The following CACNA2D3 variants were observed in gnomAD, a reference collection of about 807,000 sequenced individuals.
CACNA2D3 encodes the protein calcium voltage-gated channel auxiliary subunit alpha2delta 3, also known as voltage-dependent calcium channel subunit alpha-2/delta-3.
CACNA2D3 carries 60 observed loss-of-function variants against 160.6 expected under a neutral mutation model. That is an observed-to-expected ratio of 0.37 (90% CI 0.30 to 0.46). CACNA2D3 has a LOEUF of 0.46. CACNA2D3 is among the 20% of genes least tolerant of loss of function. The pLI is 1.00. For missense variants in CACNA2D3, 1,205 were observed against 1,365.0 expected, an observed-to-expected ratio of 0.88 and a Z score of 1.85; for synonymous variants, 558 against 492.9, an observed-to-expected ratio of 1.13 and a Z score of -1.75.
At chr3:54,803,850 G>T (rs936374854) in intron 13 of CACNA2D3, among the ~76,000 whole-genome samples, 1 of 152,134 alleles carries the variant, frequency 6.6e-6, no homozygotes. Context: ...GACTAACAGC[G>T]GATCTCTCGG....
At chr3:54,485,151 G>T (rs1251693649) in intron 4 of CACNA2D3, among the ~76,000 whole-genome samples, 1 of 152,046 alleles carries the variant, frequency 6.6e-6, no homozygotes, top group African/African-American at 2.4e-5. Flanking sequence ...AGCTCACCTA[G>T]GTAGATAATT....
chr3:54,531,642 A>G (rs905560558), intron 5 of CACNA2D3, among the ~76,000 whole-genome samples: 6 of 152,116 alleles, frequency 3.9e-5, no homozygotes, highest in African/African-American at 1.2e-4. Flanking sequence ...AGGAGAAGCA[A>G]AGTTAATTGT....
intron 3 of CACNA2D3, among the ~76,000 whole-genome samples, chr3:54,376,197 C>G (rs1699009232): frequency 6.6e-6 from 1 of 152,070 alleles, no homozygotes; most frequent in African/African-American, 2.4e-5. Flanking sequence ...CTTCCCCCTT[C>G]CCATTCCACA....
chr3:54,319,056 C>G (rs952030356), intron 2 of CACNA2D3, among the ~76,000 whole-genome samples: 2 of 151,934 alleles, frequency 1.3e-5, no homozygotes, highest in South Asian at 4.2e-4. Flanking sequence ...AGAGTTCCTC[C>G]CCTTGTCCTC....
At chr3:54,164,739 T>G (rs928382649) in intron 2 of CACNA2D3, among the ~76,000 whole-genome samples, 1 of 152,160 alleles carries the variant, frequency 6.6e-6, no homozygotes, top group Non-Finnish European at 1.5e-5. Context: ...CACTACCCTC[T>G]GCCCACTTCT....
intron 31 of CACNA2D3, among the ~76,000 whole-genome samples, chr3:55,000,073 A>G (rs1392155733): frequency 6.6e-6 from 1 of 152,206 alleles, no homozygotes; most frequent in Non-Finnish European, 1.5e-5. Context: ...AAGGCATGTT[A>G]TCTGTAATAA....
At chr3:55,061,272 A>G (rs1704499387) in intron 35 of CACNA2D3, among the ~76,000 whole-genome samples, 1 of 152,222 alleles carries the variant, frequency 6.6e-6, no homozygotes, top group South Asian at 2.1e-4. Flanking sequence ...CTTAGCACTT[A>G]ACTATGAAAA....
At chr3:54,456,981 T>C (rs1335216794) in intron 4 of CACNA2D3, among the ~76,000 whole-genome samples, 1 of 151,876 alleles carries the variant, frequency 6.6e-6, no homozygotes, top group Non-Finnish European at 1.5e-5. Flanking sequence ...CTTGGGTCTT[T>C]TTTTTTAATT....
intron 24 of CACNA2D3, among the ~76,000 whole-genome samples, chr3:54,889,993 A>T (rs906113261): frequency 2.6e-5 from 4 of 152,236 alleles, no homozygotes; most frequent in African/African-American, 9.6e-5. Context: ...GGCTACAAGC[A>T]GAAATGCATT....
intron 27 of CACNA2D3, among the ~76,000 whole-genome samples, chr3:54,906,384 G>A (rs546554999): frequency 6.6e-6 from 1 of 152,296 alleles, no homozygotes; most frequent in South Asian, 2.1e-4. Flanking sequence ...TATGTGGTGG[G>A]GCAATGCCTT....
At chr3:55,042,483 A>C (rs59843764) in intron 35 of CACNA2D3, among the ~76,000 whole-genome samples, 124 of 152,270 alleles carry the variant, frequency 8.1e-4, no homozygotes, top group African/African-American at 2.8e-3. Flanking sequence ...TCCACTTAGA[A>C]TTAGCATGTT....
Position 54,859,972 on chromosome 3 carries a change from G to GCGCGCGCACACACACACACACA in CACNA2D3, c.1627-11566_1627-11565insGCGCGCACACACACACACACAC, listed in dbSNP as rs535185040. On this transcript the variant is annotated intron_variant, in intron 17 of 37. Coordinates refer to ENST00000474759, the MANE Select transcript of CACNA2D3 (RefSeq NM_018398.3). ...TTAGAACATCATCTGGAAAGTAGATGCACACACACACACACACACACACAC... is the reference window on the plus strand; with the variant it reads ...TTAGAACATCATCTGGAAAGTAGATGCGCGCGCACACACACACACACACACACACACACACACACACACACAC... Among the ~76,000 whole-genome samples, 145 of 133,876 alleles carry GCGCGCGCACACACACACACACA rather than the reference G, an allele frequency of 1.1e-3. 5 individuals are homozygous for GCGCGCGCACACACACACACACA. Among genetic ancestry groups the GCGCGCGCACACACACACACACA allele is most frequent in the African/African-American group, 3.9e-3 (139 of 35,938 alleles). 87.8% of individuals were successfully genotyped at this position (133,876 alleles called of 152,430 possible).
intron 32 of CACNA2D3, 83 bp from the exon 33 acceptor site, chr3:55,007,707 T>A: frequency 1.2e-6 from 1 of 825,240 alleles, no homozygotes; most frequent in Non-Finnish European, 1.9e-6. Context: ...AAGAATAACA[T>A]TGTCCTTATG....
chr3:54,523,687 T>A (rs2106997227), intron 5 of CACNA2D3, among the ~76,000 whole-genome samples: 1 of 152,250 alleles, frequency 6.6e-6, no homozygotes, highest in South Asian at 2.1e-4. Context: ...TCAATCCCTT[T>A]ACTCGTTGTT....
At chr3:54,144,009 T>C (rs7625859) in intron 2 of CACNA2D3, among the ~76,000 whole-genome samples, 2,269 of 152,258 alleles carry the variant, frequency 0.015, 53 homozygotes, top group African/African-American at 0.048. Flanking sequence ...ATTTATCCTC[T>C]TCTTTGAAAA....
chr3:54,452,995 T>TC (rs1700335196), intron 4 of CACNA2D3, among the ~76,000 whole-genome samples: 2 of 151,894 alleles, frequency 1.3e-5, no homozygotes, highest in African/African-American at 4.8e-5. Flanking sequence ...CTCTCTCTCT[T>TC]TCTCCTCTTT....
intron 13 of CACNA2D3, among the ~76,000 whole-genome samples, chr3:54,811,449 C>T (rs1005275787): frequency 7.0e-6 from 1 of 142,468 alleles, no homozygotes; most frequent in Non-Finnish European, 1.5e-5. Context: ...TGTGCTGATC[C>T]TGTTCTCCCT....
At chr3:54,210,424 TTGTG>T (rs148099415) in intron 2 of CACNA2D3, among the ~76,000 whole-genome samples, 15 of 151,404 alleles carry the variant, frequency 9.9e-5, no homozygotes, top group East Asian at 9.7e-4. Context: ...TGCAAAGTTT[TTGTG>T]TGTGTGTGTG....
At chr3:54,146,774 C>T (rs1001468906) in intron 2 of CACNA2D3, among the ~76,000 whole-genome samples, 8 of 152,218 alleles carry the variant, frequency 5.3e-5, no homozygotes, top group African/African-American at 1.9e-4. Context: ...CCCCTCCATC[C>T]CCGTTGGCTC....
Sources: allele counts gnomAD v4.1 joint callset (sites outside exome capture counted in the v4.1 genomes callset), GRCh38; gene constraint gnomAD v4.1.1; transcripts MANE v1.5; gene names NCBI Gene and HGNC (gene_info 2026-07-23, HGNC 2026-07-21).